HACD2: variants seen among roughly 807,000 people sequenced by gnomAD.
The protein encoded by HACD2 is 3-hydroxyacyl-CoA dehydratase 2, also known as very-long-chain (3R)-3-hydroxyacyl-CoA dehydratase 2.
In HACD2, 15 loss-of-function variants were observed where a neutral mutation model predicts 31.0. The ratio of observed to expected loss-of-function variants is 0.48; its 90% CI spans 0.32 to 0.75. The LOEUF is 0.75. Among genes scored for constraint, HACD2 ranks in the 30% least tolerant of loss-of-function variants. HACD2 has a pLI of 0.03. For synonymous variants in HACD2, 115 were observed against 122.2 expected, an observed-to-expected ratio of 0.94 and a Z score of 0.39; for missense variants, 283 against 313.0, an observed-to-expected ratio of 0.90 and a Z score of 0.72.
intron 4 of HACD2, among the ~76,000 whole-genome samples, chr3:123,526,750 A>C (rs2056289091): frequency 6.6e-6 from 1 of 152,230 alleles, no homozygotes. Flanking sequence ...CACCAAGTCC[A>C]TGTACCTATA....
At chr3:123,522,921 A>T (rs780787911) in intron 4 of HACD2, among the ~76,000 whole-genome samples, 2 of 152,136 alleles carry the variant, frequency 1.3e-5, no homozygotes, top group Non-Finnish European at 2.9e-5. Context: ...GGGCCCAAGG[A>T]AGAAATGATG....
At chr3:123,519,163 T>C (rs1278929493) in intron 4 of HACD2, among the ~76,000 whole-genome samples, 1 of 152,082 alleles carries the variant, frequency 6.6e-6, no homozygotes, top group East Asian at 1.9e-4. Context: ...AAACAAAAGT[T>C]AAAAATCTTT....
chr3:123,584,544 T>C (rs985274085), intron 1 of HACD2: 4 of 227,356 alleles, frequency 1.8e-5, no homozygotes, highest in South Asian at 1.8e-4. Context: ...GCGCCGCAGG[T>C]AGTCCGGCCG....
intron 4 of HACD2, among the ~76,000 whole-genome samples, chr3:123,528,062 C>T (rs1338868439): frequency 6.6e-6 from 1 of 152,062 alleles, no homozygotes; most frequent in Admixed American, 6.6e-5. Context: ...AGTTCGAGAG[C>T]GGCCTGGGCA....
At chr3:123,560,395 G>A (rs1033604957) in intron 3 of HACD2, among the ~76,000 whole-genome samples, 1 of 152,196 alleles carries the variant, frequency 6.6e-6, no homozygotes, top group Non-Finnish European at 1.5e-5. Context: ...AATTGCAAAG[G>A]AGGGGAAGGT....
At chr3:123,528,523 G>A (rs765136903) in intron 3 of HACD2, 49 bp from the exon 4 acceptor site, 14 of 1,071,398 alleles carry the variant, frequency 1.3e-5, no homozygotes, top group African/African-American at 7.8e-5. Context: ...ACTAAGTTTC[G>A]ATATATAATA....
chr3:123,579,524 G>A (rs1045538129), intron 2 of HACD2, among the ~76,000 whole-genome samples: 12 of 151,968 alleles, frequency 7.9e-5, no homozygotes, highest in Admixed American at 2.6e-4. Flanking sequence ...AGCTGGTCTC[G>A]AACTCTTGCC....
intron 2 of HACD2, among the ~76,000 whole-genome samples, chr3:123,576,360 C>T (rs560593174): frequency 6.6e-6 from 1 of 152,074 alleles, no homozygotes; most frequent in East Asian, 1.9e-4. Context: ...GCAGTGAGGC[C>T]TGTGTGGGTG....
chr3:123,573,184 T>G (rs77044664), intron 2 of HACD2, among the ~76,000 whole-genome samples: 14,478 of 152,326 alleles, frequency 0.095, 999 homozygotes, highest in African/African-American at 0.2. Flanking sequence ...GATTTCATTC[T>G]TGCTTAAAAC....
chr3:123,523,156 C>G (rs1203583847), intron 4 of HACD2, among the ~76,000 whole-genome samples: 3 of 152,126 alleles, frequency 2.0e-5, no homozygotes, highest in Non-Finnish European at 4.4e-5. Context: ...GCTGGAGGAC[C>G]CAGCAGGGAG....
At chr3:123,495,934 A>C (rs559978822) in intron 6 of HACD2, among the ~76,000 whole-genome samples, 1 of 151,754 alleles carries the variant, frequency 6.6e-6, no homozygotes, top group South Asian at 2.1e-4. Context: ...TGGCCTTCAC[A>C]AGGTTACTGT....
In HACD2 at chr3:123,492,909, A is replaced by G. The variant is rs1249545727; in HGVS notation, c.*1979T>C. ...AAAATCTTTCCCACATATTTTGTCT[A>G]TCAAATACAAGAATAGATTCTAATT... On this transcript the variant is annotated 3_prime_UTR_variant, in exon 7 of 7. Transcript: ENST00000383657. 3 of 152,268 alleles carry G rather than the reference A, an allele frequency of 2.0e-5. No individual in the cohort carries two copies. The highest frequency in any genetic ancestry group is 7.2e-5 in the African/African-American group (3 of 41,472). 9.4% of individuals were successfully genotyped at this position (152,268 alleles called of 1,614,324 possible).
intron 4 of HACD2, among the ~76,000 whole-genome samples, chr3:123,509,758 T>C (rs1051532304): frequency 3.3e-5 from 5 of 152,012 alleles, no homozygotes; most frequent in Admixed American, 6.5e-5. Context: ...CTCGGCCTCC[T>C]AAAGTACTGG....
chr3:123,508,233 C>A (rs2056003728), intron 4 of HACD2, among the ~76,000 whole-genome samples: 1 of 152,174 alleles, frequency 6.6e-6, no homozygotes, highest in South Asian at 2.1e-4. Flanking sequence ...TACCATGAAG[C>A]CCTTCCGGTT....
At chr3:123,550,523 G>T (rs542082813) in intron 3 of HACD2, among the ~76,000 whole-genome samples, 2 of 152,294 alleles carry the variant, frequency 1.3e-5, no homozygotes, top group African/African-American at 4.8e-5. Context: ...GAGAAATGAT[G>T]TTCCCTGAAA....
intron 3 of HACD2, among the ~76,000 whole-genome samples, chr3:123,559,805 C>T (rs971976107): frequency 1.3e-5 from 2 of 152,176 alleles, no homozygotes; most frequent in Non-Finnish European, 2.9e-5. Flanking sequence ...CATAGCTTTC[C>T]CTTCTGAACT....
chr3:123,507,001 T>C (rs113879301), intron 4 of HACD2, among the ~76,000 whole-genome samples: 120 of 152,332 alleles, frequency 7.9e-4, no homozygotes, highest in African/African-American at 2.8e-3. Flanking sequence ...CTCTTGCCTA[T>C]AATCCCAGTG....
intron 2 of HACD2, among the ~76,000 whole-genome samples, chr3:123,576,575 C>G (rs2056909744): frequency 6.6e-6 from 1 of 152,166 alleles, no homozygotes. Context: ...AGATGTGTTT[C>G]CTCAAAATGG....
chr3:123,549,548 G>A (rs908286630), intron 3 of HACD2, among the ~76,000 whole-genome samples: 1 of 152,160 alleles, frequency 6.6e-6, no homozygotes, highest in African/African-American at 2.4e-5. Flanking sequence ...AGGAGTTTGA[G>A]ACCAGTCTGG....
Sources: gnomAD v4.1 joint callset for allele counts (sites outside exome capture counted in the v4.1 genomes callset) on GRCh38, gnomAD v4.1.1 for gene constraint, MANE v1.5 for transcripts, NCBI Gene and HGNC (gene_info 2026-07-23, HGNC 2026-07-21) for gene names.